DNAH5: variants seen among roughly 807,000 people sequenced by gnomAD.
DNAH5 encodes axonemal beta dynein heavy chain 5.
A neutral mutation model predicts 518.2 loss-of-function variants in DNAH5; 372 were observed. The ratio of observed to expected loss-of-function variants is 0.72; its 90% CI spans 0.66 to 0.78. The LOEUF (loss-of-function observed/expected upper bound fraction) is 0.78, where lower values mean the gene tolerates loss of function less well. DNAH5 is among the 30% of genes least tolerant of loss of function. DNAH5 has a pLI of 0.00. For missense variants in DNAH5, 5,523 were observed against 5,687.0 expected, an observed-to-expected ratio of 0.97 and a Z score of 0.93; for synonymous variants, 2,039 against 2,025.9, an observed-to-expected ratio of 1.01 and a Z score of -0.17.
At chr5:13,757,984 T>A (rs970776147) in intron 61 of DNAH5, among the ~76,000 whole-genome samples, 2 of 151,940 alleles carry the variant, frequency 1.3e-5, no homozygotes, top group African/African-American at 2.4e-5. Flanking sequence ...ACAGAGTGAA[T>A]CTAGCTATTA....
intron 77 of DNAH5, 43 bp downstream of exon 77, chr5:13,701,241 G>C: frequency 6.2e-7 from 1 of 1,613,314 alleles, no homozygotes; most frequent in Non-Finnish European, 8.5e-7. Context: ...ATCCTGTGGA[G>C]GAAAATTATA....
In DNAH5 at chr5:13,890,995, T is replaced by C; in HGVS notation, c.2558A>G (p.Glu853Gly). The C allele has an allele frequency of 1.9e-6, 3 of 1,614,124 alleles. No homozygotes were observed. The highest frequency in any genetic ancestry group is 2.5e-6 in the Non-Finnish European group (3 of 1,179,994). Reference sequence around the variant, plus strand: ...AATGACCTTTGTCATTTGGAGAAACTCTTCACAGGTTAGTGGCTCCTCCTG... The same window carrying C: ...AATGACCTTTGTCATTTGGAGAAACCCTTCACAGGTTAGTGGCTCCTCCTG... ...LPQEEPLTCE[E>G]FLQMTKDLCV... The change falls in exon 17 of 79, where the codon GAG (glutamate) becomes GGG (glycine). Residue 853 changes from glutamate to glycine, a missense_variant. By Grantham distance (98) the Glu-to-Gly change is moderately conservative (BLOSUM62 -2). Around this residue, in one of 3 missense-constraint regions of DNAH5, gnomAD observed 5,121 missense variants for 5,223.3 expected, o/e 0.98. Coordinates refer to ENST00000265104, the MANE Select transcript of DNAH5 (RefSeq NM_001369.3).
At chr5:13,865,485 T>C (rs1418169097) in intron 27 of DNAH5, among the ~76,000 whole-genome samples, 183 bp downstream of exon 27, 1 of 152,212 alleles carries the variant, frequency 6.6e-6, no homozygotes, top group Non-Finnish European at 1.5e-5. Flanking sequence ...TGTGCTTGTC[T>C]CATTGTGTAC....
At chr5:13,970,094 T>C (rs889214780) in intron 1 of DNAH5, among the ~76,000 whole-genome samples, 12 of 152,218 alleles carry the variant, frequency 7.9e-5, no homozygotes, top group African/African-American at 2.7e-4. Context: ...CTGTTTTGTC[T>C]GATATAAGAA....
rs145400611 is a variant in DNAH5 at position 13,708,286 on chromosome 5, A to C, written c.13175T>G (p.Phe4392Cys). 1,416 of 1,614,150 alleles carry C rather than the reference A, an allele frequency of 8.8e-4. 1 individual carries two copies. Among genetic ancestry groups the C allele is most frequent in the Non-Finnish European group, 1.1e-3 (1,326 of 1,180,010 alleles). ...CATTCTGTCTATTTCCTGCCTGAGG[A>C]AAATGTTCATAGGCTGGAATGGCCC... ...KMGPFQPMNI[F>C]LRQEIDRMQR... Residue 4392 changes from phenylalanine to cysteine, a missense_variant, in exon 76 of 79, where the codon TTC becomes TGC. Physicochemically the swap from Phe to Cys is radical, Grantham distance 205. Around this residue, in one of 3 missense-constraint regions of DNAH5, gnomAD observed 387 missense variants for 430.0 expected, o/e 0.90. Transcript: ENST00000265104.
intron 12 of DNAH5, among the ~76,000 whole-genome samples, chr5:13,909,803 C>T (rs77065661): frequency 0.027 from 4,038 of 152,190 alleles, 183 homozygotes; most frequent in African/African-American, 0.091. Flanking sequence ...CTATGAGCTG[C>T]GAGGGCATAT....
intron 52 of DNAH5, among the ~76,000 whole-genome samples, chr5:13,785,913 C>T (rs993448119): frequency 2.6e-5 from 4 of 152,134 alleles, no homozygotes; most frequent in African/African-American, 7.2e-5. Flanking sequence ...ATTCATCCTC[C>T]GTGGTGAAAG....
chr5:13,936,684 A>G (rs1476177660), intron 1 of DNAH5, among the ~76,000 whole-genome samples: 2 of 152,230 alleles, frequency 1.3e-5, no homozygotes, highest in Non-Finnish European at 2.9e-5. Flanking sequence ...AAATGGCATG[A>G]CCAAGGATTT....
At chr5:13,717,580 C>G in intron 72 of DNAH5, 60 bp from the exon 73 acceptor site, 2 of 1,324,594 alleles carry the variant, frequency 1.5e-6, no homozygotes, top group Non-Finnish European at 2.2e-6. Context: ...TTTTCTACTA[C>G]TTTTATAAGT....
intron 1 of DNAH5, among the ~76,000 whole-genome samples, chr5:13,969,946 T>C (rs1365159640): frequency 1.3e-5 from 2 of 152,220 alleles, no homozygotes; most frequent in African/African-American, 4.8e-5. Flanking sequence ...TAATGTCTAC[T>C]AGTAATTGTT....
intron 78 of DNAH5, among the ~76,000 whole-genome samples, chr5:13,695,770 A>G (rs1741288839): frequency 1.3e-5 from 2 of 152,168 alleles, no homozygotes; most frequent in African/African-American, 2.4e-5. Flanking sequence ...GGTGCCTAAG[A>G]TAGAGATGTT....
chr5:13,955,155 G>A (rs58234865), intron 1 of DNAH5, among the ~76,000 whole-genome samples: 38,138 of 151,920 alleles, frequency 0.25, 5,445 homozygotes, highest in East Asian at 0.63. Flanking sequence ...CTGCTGTCTC[G>A]CGATTGAGGT....
chr5:13,858,259 T>C (rs1767903025), intron 30 of DNAH5, among the ~76,000 whole-genome samples: 1 of 152,156 alleles, frequency 6.6e-6, no homozygotes, highest in Non-Finnish European at 1.5e-5. Context: ...GGAATCCATG[T>C]CCTTTGCAGG....
intron 42 of DNAH5, among the ~76,000 whole-genome samples, chr5:13,817,006 G>A (rs899693714): frequency 1.3e-5 from 2 of 152,094 alleles, no homozygotes; most frequent in African/African-American, 2.4e-5. Context: ...ATAAGTGAGG[G>A]ACTATTCAGA....
chr5:13,883,115 G>C (rs1292188383), intron 19 of DNAH5, 21 bp from the exon 20 acceptor site: 16 of 1,611,212 alleles, frequency 9.9e-6, no homozygotes, highest in Middle Eastern at 1.6e-4. Flanking sequence ...CCAAAACAAG[G>C]AAGAATTCAC....
chr5:13,992,287 C>CAAACCCCAACAAAA (rs1249918385), intron 1 of DNAH5, among the ~76,000 whole-genome samples: 1 of 152,224 alleles, frequency 6.6e-6, no homozygotes, highest in African/African-American at 2.4e-5. Context: ...ACCAAGGCCT[C>CAAACCCCAACAAAA]AAACCCCAAC....
intron 76 of DNAH5, 134 bp from the exon 77 acceptor site, chr5:13,701,570 A>C: frequency 2.4e-6 from 2 of 841,688 alleles, no homozygotes; most frequent in East Asian, 2.6e-5. Flanking sequence ...CTAAGTCATG[A>C]ATTTTCCCTG....
intron 47 of DNAH5, among the ~76,000 whole-genome samples, chr5:13,797,037 T>C (rs967791186): frequency 3.3e-5 from 5 of 152,214 alleles, no homozygotes; most frequent in African/African-American, 7.2e-5. Context: ...TTACACCTTA[T>C]ACAAAAATTA....
intron 22 of DNAH5, among the ~76,000 whole-genome samples, chr5:13,873,083 T>C (rs942475755): frequency 2.0e-5 from 3 of 152,112 alleles, no homozygotes; most frequent in African/African-American, 7.2e-5. Flanking sequence ...TACAGCACAA[T>C]TGCACATGTA....
Sources: allele counts gnomAD v4.1 joint callset (sites outside exome capture counted in the v4.1 genomes callset), GRCh38; gene constraint gnomAD v4.1.1; regional missense constraint gnomAD v4.1.1; transcripts MANE v1.5; gene names NCBI Gene and HGNC (gene_info 2026-07-23, HGNC 2026-07-21).